Variants in LYPLA1 observed in about 807,000 individuals in gnomAD.
LYPLA1 encodes acyl-protein thioesterase 1.
A neutral mutation model predicts 34.0 loss-of-function variants in LYPLA1; 17 were observed. That is an observed-to-expected ratio of 0.50 (90% CI 0.34 to 0.75). LYPLA1 has a LOEUF of 0.75. Among genes scored for constraint, LYPLA1 ranks in the 30% least tolerant of loss-of-function variants. The pLI, the probability that LYPLA1 is intolerant of heterozygous loss-of-function variation, is 0.01. For synonymous variants in LYPLA1, 98 were observed against 100.8 expected (o/e 0.97, Z 0.17); for missense variants, 203 against 288.8 (o/e 0.70, Z 2.15).
Position 54,062,294 on chromosome 8 carries a change from T to A in LYPLA1, c.246A>T (p.Ser82=). The A allele has an allele frequency of 6.2e-7, 1 of 1,607,108 alleles. No homozygotes were observed. Among genetic ancestry groups the A allele is most frequent in the Non-Finnish European group, 8.5e-7 (1 of 1,177,736 alleles). Residue 82 remains serine, a synonymous_variant, in exon 5 of 9, where the codon TCA becomes TCT. Transcript: ENST00000316963. ...WFDIIGLSPD[S]QEDESGIKQA... Reference sequence around the variant, plus strand: ...GTTTAATCCCAGATTCATCCTCCTGTGAATCTGGTGAAAGCCCAATAATAT... The same window carrying A: ...GTTTAATCCCAGATTCATCCTCCTGAGAATCTGGTGAAAGCCCAATAATAT...
At chr8:54,048,564 T>C (rs189896834) in intron 8 of LYPLA1, among the ~76,000 whole-genome samples, 15 of 152,322 alleles carry the variant, frequency 9.8e-5, no homozygotes, top group Non-Finnish European at 2.2e-4. Context: ...AACTAACCAT[T>C]TGATAGAGAG....
At chr8:54,060,344 C>T (rs750495712) in intron 5 of LYPLA1, among the ~76,000 whole-genome samples, 19 of 152,052 alleles carry the variant, frequency 1.2e-4, no homozygotes, top group Non-Finnish European at 2.5e-4. Flanking sequence ...AGCCTGATCT[C>T]GAACTCTCGA....
intron 2 of LYPLA1, among the ~76,000 whole-genome samples, chr8:54,096,161 A>C (rs1314424993): frequency 6.6e-6 from 1 of 152,250 alleles, no homozygotes; most frequent in Non-Finnish European, 1.5e-5. Context: ...AATAGTTCAG[A>C]AATATTAACA....
chr8:54,065,327 A>T (rs1806970630), intron 3 of LYPLA1, among the ~76,000 whole-genome samples: 1 of 152,060 alleles, frequency 6.6e-6, no homozygotes, highest in Non-Finnish European at 1.5e-5. Flanking sequence ...GCGTGGTGGC[A>T]CGTACCTGTA....
chr8:54,055,083 T>C lies in LYPLA1; in HGVS notation c.337A>G (p.Ile113Val), dbSNP rs1806112668. 6.2e-7 allele frequency: 1 copy of C among 1,608,928 alleles called. No homozygotes were observed. The highest frequency in any genetic ancestry group is 1.1e-5 in the South Asian group (1 of 90,852). Residue 113 changes from isoleucine to valine, a missense_variant, in exon 6 of 9, where the codon ATT becomes GTT. Around this residue, in one of 3 missense-constraint regions of LYPLA1, gnomAD observed 123 missense variants for 199.2 expected, o/e 0.62. Coordinates refer to ENST00000316963, the MANE Select transcript of LYPLA1 (RefSeq NM_006330.4). ...ACCTGAGAAAACCCTCCCAAAATAA[T>C]TCTGTTAGAAGGAATGCCATTCTTC... ...EVKNGIPSNRIILGGFSQGGA... is the reference protein window; with the variant it reads ...EVKNGIPSNRVILGGFSQGGA...
chr8:54,046,138 A>G (rs1805476305), downstream of LYPLA1, among the ~76,000 whole-genome samples: 1 of 152,208 alleles, frequency 6.6e-6, no homozygotes, highest in Non-Finnish European at 1.5e-5. Context: ...AAAACTTCTT[A>G]AATAGGTAGA....
chr8:54,066,030 G>A (rs1807043929), intron 2 of LYPLA1, among the ~76,000 whole-genome samples: 2 of 152,076 alleles, frequency 1.3e-5, no homozygotes, highest in Non-Finnish European at 2.9e-5. Context: ...TACCTCTCCC[G>A]AGTTCACGCC....
At chr8:54,100,082 C>T (rs907410672) in intron 2 of LYPLA1, 1 of 152,184 alleles carries the variant, frequency 6.6e-6, no homozygotes, top group Non-Finnish European at 1.5e-5. Context: ...TTTTCAACAA[C>T]ATTCATATTT....
intron 5 of LYPLA1, among the ~76,000 whole-genome samples, chr8:54,059,999 C>T (rs1257297366): frequency 1.3e-5 from 2 of 152,200 alleles, no homozygotes; most frequent in Non-Finnish European, 2.9e-5. Context: ...CCTACACCCA[C>T]CCACACTCAA....
chr8:54,090,158 TG>T, intron 2 of LYPLA1, among the ~76,000 whole-genome samples: 1 of 152,184 alleles, frequency 6.6e-6, no homozygotes, highest in Non-Finnish European at 1.5e-5. Context: ...ACGGACGCAT[TG>T]GGGGCGCCTG....
At chr8:54,090,500 A>G (rs1586172047) in intron 2 of LYPLA1, among the ~76,000 whole-genome samples, 1 of 152,184 alleles carries the variant, frequency 6.6e-6, no homozygotes, top group East Asian at 1.9e-4. Flanking sequence ...TACAAATGTT[A>G]TGTTAAAGAA....
intron 3 of LYPLA1, among the ~76,000 whole-genome samples, 199 bp downstream of exon 3, chr8:54,065,549 T>G (rs965418836): frequency 8.0e-6 from 1 of 125,772 alleles, no homozygotes; most frequent in African/African-American, 4.2e-5. Context: ...TTAAATTGCT[T>G]AACGAAAGAG....
At chr8:54,089,365 T>C (rs913109956) in intron 2 of LYPLA1, among the ~76,000 whole-genome samples, 1 of 152,084 alleles carries the variant, frequency 6.6e-6, no homozygotes, top group Admixed American at 6.5e-5. Flanking sequence ...TATGTTGTTA[T>C]AATTATTCTA....
intron 2 of LYPLA1, chr8:54,073,608 T>C (rs977136369): frequency 3.8e-6 from 2 of 524,356 alleles, no homozygotes; most frequent in East Asian, 3.3e-5. Flanking sequence ...ATTTTAGATA[T>C]CATGCAAATT....
chr8:54,058,285 G>A (rs1351467666), intron 5 of LYPLA1, among the ~76,000 whole-genome samples: 2 of 152,194 alleles, frequency 1.3e-5, no homozygotes, highest in Admixed American at 6.5e-5. Context: ...GCTCACGCCT[G>A]TAATCCCAGC....
intron 2 of LYPLA1, among the ~76,000 whole-genome samples, chr8:54,084,046 A>G (rs1285174915): frequency 6.6e-6 from 1 of 150,614 alleles, no homozygotes; most frequent in East Asian, 1.9e-4. Flanking sequence ...GCTGAGGCAG[A>G]GGAATCACTT....
At chr8:54,065,161 C>T (rs1268055405) in intron 3 of LYPLA1, among the ~76,000 whole-genome samples, 2 of 152,134 alleles carry the variant, frequency 1.3e-5, no homozygotes, top group African/African-American at 4.8e-5. Context: ...TTCAGAGATA[C>T]CCTAGGGATA....
At chr8:54,046,061 A>AAAAAT (rs963884217), downstream of LYPLA1, among the ~76,000 whole-genome samples, 4 of 152,190 alleles carry the variant, frequency 2.6e-5, no homozygotes, top group African/African-American at 4.8e-5. Context: ...ACTCTGTCTC[A>AAAAAT]AAAATAAAAT....
At chr8:54,058,616 G>GTCTC (rs113146082) in intron 5 of LYPLA1, among the ~76,000 whole-genome samples, 21 of 148,782 alleles carry the variant, frequency 1.4e-4, no homozygotes, top group Middle Eastern at 3.2e-3. Flanking sequence ...CTCTGTCTCT[G>GTCTC]TCTCTCTCTC....
Sources: gnomAD v4.1 joint callset for allele counts (sites outside exome capture counted in the v4.1 genomes callset) on GRCh38, gnomAD v4.1.1 for gene constraint, gnomAD v4.1.1 regional missense constraint, MANE v1.5 for transcripts, NCBI Gene and HGNC (gene_info 2026-07-23, HGNC 2026-07-21) for gene names.